The following INTS1 variants were observed in gnomAD, a reference collection of about 807,000 sequenced individuals.
INTS1 encodes the protein integrator complex subunit 1.
A neutral mutation model predicts 241.6 loss-of-function variants in INTS1; 137 were observed. That is an observed-to-expected ratio of 0.57 (90% confidence interval 0.49 to 0.65). The LOEUF is 0.65. Among genes scored for constraint, INTS1 ranks in the 30% least tolerant of loss-of-function variants. The probability of loss-of-function intolerance (pLI) is 0.00; values close to 1 mark genes in which losing one functional copy is unlikely to be tolerated. For synonymous variants in INTS1, 1,692 were observed against 1,337.8 expected (o/e 1.26, Z -5.78); for missense variants, 3,073 against 3,032.2 (o/e 1.01, Z -0.32).
intron 3 of INTS1, among the ~76,000 whole-genome samples, chr7:1,502,402 T>C (rs1325359110): frequency 1.4e-4 from 21 of 152,134 alleles, no homozygotes; most frequent in Admixed American, 1.4e-3. Context: ...TGGTGAAGCT[T>C]ACATTCCCCC....
In INTS1 at chr7:1,499,434, C is replaced by A. The variant is rs888140640; in HGVS notation, c.844+39G>T. 1.3e-5 allele frequency: 11 copies of A among 877,266 alleles called. No homozygotes were observed. The Admixed American group carries it at 2.2e-4, about 18-fold the overall frequency. The allele number at this position is 877,266 out of a possible 1,614,324, so 54.3% of individuals were successfully genotyped here. A position where few individuals can be genotyped will look rare whatever the true frequency, so the allele number is the denominator to read the frequency against. On this transcript the variant is annotated intron_variant, in intron 6 of 47. Transcript: ENST00000404767. The stretch of plus-strand genomic sequence containing the variant: ...CTCCCACCCCTCCCCTGCCCTGGGG[C>A]TTGGACACCCGCCCTCTCTGGCTGG...
In INTS1 at chr7:1,504,371, G is replaced by A. The variant is rs1362742435; in HGVS notation, c.-90C>T. ...GCCGCCGCCGCCACCCGGCCACCCC[G>A]GAATCGGAAACCGATCTCACCGCCC... On this transcript the variant is annotated 5_prime_UTR_variant, in exon 1 of 48. Transcript: ENST00000404767. 1 of 488,948 alleles carries A rather than the reference G, an allele frequency of 2.0e-6. No homozygotes were observed. The highest frequency in any genetic ancestry group is 1.5e-5 in the South Asian group (1 of 65,188). 30.3% of individuals were successfully genotyped at this position (488,948 alleles called of 1,614,324 possible).
rs1456894020 is a variant in INTS1, at chr7:1,494,871, C to A, written c.1855G>T (p.Glu619Ter). ...CACTTGTAGTAGGTCTCCGGCTGCT[C>A]TGTGAACAGCACCTTGTGCAGGCTG... The part of the protein sequence containing the change: ...VHCLHKVLFT[E>*]QPETYYKWDN... The change falls in exon 14 of 48, where the codon GAG becomes TAG. Residue 619 changes from glutamate to a stop codon, truncating the protein, a stop_gained. Transcript: ENST00000404767. LOFTEE classifies it high-confidence loss of function. 3.8e-6 allele frequency: 6 copies of A among 1,565,666 alleles called. No homozygotes were observed. The highest frequency in any genetic ancestry group is 4.3e-6 in the Non-Finnish European group (5 of 1,155,694).
intron 46 of INTS1, 56 bp from the exon 47 acceptor site, chr7:1,471,011 C>T: frequency 6.6e-7 from 1 of 1,520,684 alleles, no homozygotes; most frequent in Non-Finnish European, 8.9e-7. Flanking sequence ...CGCCAGACCC[C>T]CACCCGACAG....
At position 1,473,099 on chromosome 7, in the gene INTS1, C is replaced by G. The variant is rs754444430; in HGVS notation, c.6043G>C (p.Asp2015His). The change falls in exon 43 of 48, where the codon GAC becomes CAC. Residue 2015 changes from aspartate (D) to histidine (H), a missense_variant. Transcript: ENST00000404767. ...TCGCCCTCTTCGTCCAGGCCTCGGT[C>G]GGTCCTGTCGTCCCTGCTGGGCAGG... Reference protein sequence around the residue: ...LSLPSRDDRTDRGLDEEGEEE... With the variant: ...LSLPSRDDRTHRGLDEEGEEE... The G allele has an allele frequency of 1.6e-5, 25 of 1,610,162 alleles. No homozygotes were observed. The highest frequency in any genetic ancestry group is 2.1e-5 in the Non-Finnish European group (25 of 1,178,176).
intron 19 of INTS1, 52 bp from the exon 20 acceptor site, chr7:1,487,501 C>T: frequency 1.3e-6 from 2 of 1,579,656 alleles, no homozygotes; most frequent in East Asian, 2.3e-5. Context: ...CGGATCACCC[C>T]CAGAACCCCT....
chr7:1,494,801 C>T lies in INTS1; in HGVS notation c.1910+15G>A, dbSNP rs1239259085. 40 of 1,554,634 alleles carry T rather than the reference C, an allele frequency of 2.6e-5. No homozygotes were observed. The highest frequency in any genetic ancestry group is 3.2e-5 in the Non-Finnish European group (37 of 1,150,426). ...CAGCCCGGCACACAGGAGCCCCAGG[C>T]GGCAGCGCACTCACTTGCGGTCACT... On this transcript the variant is annotated intron_variant, in intron 14 of 47. Coordinates refer to ENST00000404767, the MANE Select transcript of INTS1 (RefSeq NM_001080453.3).
In INTS1 at chr7:1,489,788, G is replaced by A. The variant is rs551953193; in HGVS notation, c.2166-106C>T. 6.2e-4 allele frequency: 482 copies of A among 779,226 alleles called. No individual in the cohort carries two copies. The African/African-American group carries it at 6.6e-3, about 11-fold the overall frequency. 48.3% of individuals were successfully genotyped at this position (779,226 alleles called of 1,614,324 possible). On this transcript the variant is annotated intron_variant, in intron 16 of 47. Transcript: ENST00000404767. ...GGGGCAGGGACGGTGCTGGCTCCCA[G>A]CTCCTCCCGGGACTGCCCTCCAGTG...
rs182756496 is a variant in INTS1 at position 1,500,905 on chromosome 7, G to A, written c.350-539C>T. On this transcript the variant is annotated intron_variant, in intron 3 of 47. Coordinates refer to ENST00000404767, the MANE Select transcript of INTS1 (RefSeq NM_001080453.3). ...GCCAGCACACACCTTTCCTATCGTC[G>A]TGTTTGCCACTGTTGGATCGGAGGT... 7.1e-4 allele frequency: 108 copies of A among 153,174 alleles called. 1 individual carries two copies. The East Asian group carries it at 0.014, about 20-fold the overall frequency. The allele number at this position is 153,174 out of a possible 1,614,324, so 9.5% of individuals were successfully genotyped here. A position where few individuals can be genotyped will look rare whatever the true frequency, so the allele number is the denominator to read the frequency against.
chr7:1,470,337 C>T lies in INTS1; in HGVS notation c.*240G>A, dbSNP rs1044804842. The T allele has an allele frequency of 1.7e-5, 8 of 476,370 alleles. No individual in the cohort carries two copies. Among genetic ancestry groups the T allele is most frequent in the Non-Finnish European group, 2.9e-5 (8 of 271,526 alleles). The allele number at this position is 476,370 out of a possible 1,614,324, so 29.5% of individuals were successfully genotyped here. A position where few individuals can be genotyped will look rare whatever the true frequency, so the allele number is the denominator to read the frequency against. ...GCCATGCCCGGGGGGATCCGCCGCTCCGCGGCAGGGCTGTGGCCCAGAAGG... is the reference window on the plus strand; with the variant it reads ...GCCATGCCCGGGGGGATCCGCCGCTTCGCGGCAGGGCTGTGGCCCAGAAGG... On this transcript the variant is annotated 3_prime_UTR_variant, in exon 48 of 48. Coordinates refer to ENST00000404767, the MANE Select transcript of INTS1 (RefSeq NM_001080453.3).
Position 1,481,991 on chromosome 7 carries a change from G to C in INTS1, c.3704-503C>G, listed in dbSNP as rs373131639. On this transcript the variant is annotated intron_variant, in intron 27 of 47. Transcript: ENST00000404767. This position sits in a 1 kb window ranked among gnomAD's most constrained non-coding sequence, Gnocchi z 6.8. ...ACTATCTTCTCTCAGTGCTCAGGGC[G>C]CTCTTGCCCCGAAGCCATCGGTGGC... 6.6e-6 allele frequency among the ~76,000 whole-genome samples: 1 copy of C among 152,148 alleles called. No individual in the cohort carries two copies. The highest frequency in any genetic ancestry group is 1.5e-5 in the Non-Finnish European group (1 of 68,002).
At chr7:1,474,042 C>A (rs1227941595) in intron 41 of INTS1, 126 bp downstream of exon 41, 13 of 1,114,614 alleles carry the variant, frequency 1.2e-5, no homozygotes, top group African/African-American at 1.6e-5. Context: ...GTCCCCAGGG[C>A]AGGTGGCCTG....
intron 16 of INTS1, among the ~76,000 whole-genome samples, chr7:1,491,196 C>A (rs923488096): frequency 1.3e-5 from 2 of 152,218 alleles, no homozygotes; most frequent in Non-Finnish European, 2.9e-5. Context: ...TCAAAGCACA[C>A]ACAGCAGCAG....
chr7:1,477,641 C>G lies in INTS1; in HGVS notation c.4847G>C (p.Gly1616Ala). ...CATTTCCAGCCAGTCCACTAGGAGGCCTGACGAGGGCCCCAGCCGCACGGC... is the reference window on the plus strand; with the variant it reads ...CATTTCCAGCCAGTCCACTAGGAGGGCTGACGAGGGCCCCAGCCGCACGGC... ...LEAVRLGPSS[G>A]LLVDWLEMLD... The change falls in exon 35 of 48, where the codon GGC becomes GCC. Residue 1616 changes from glycine to alanine, a missense_variant. Physicochemically the swap from Gly to Ala is moderately conservative, Grantham distance 60. Coordinates refer to ENST00000404767, the MANE Select transcript of INTS1 (RefSeq NM_001080453.3). The G allele has an allele frequency of 6.3e-7, 1 of 1,591,196 alleles. No homozygotes were observed. The highest frequency in any genetic ancestry group is 8.5e-7 in the Non-Finnish European group (1 of 1,169,860).
In INTS1 at chr7:1,480,852, G is replaced by A. The variant is rs1276977991; in HGVS notation, c.3932C>T (p.Ser1311Phe). 6.4e-7 allele frequency: 1 copy of A among 1,553,394 alleles called. No individual in the cohort carries two copies. Among genetic ancestry groups the A allele is most frequent in the Non-Finnish European group, 8.7e-7 (1 of 1,149,362 alleles). Residue 1311 changes from serine (S) to phenylalanine (F), a missense_variant, in exon 29 of 48, where the codon TCC becomes TTC. Coordinates refer to ENST00000404767, the MANE Select transcript of INTS1 (RefSeq NM_001080453.3). ...CCCAGTACCTCGGCGGGGCGGCAGGGAGGCTGTGAGCAAGGAGTGGAAAGT... is the reference window on the plus strand; with the variant it reads ...CCCAGTACCTCGGCGGGGCGGCAGGAAGGCTGTGAGCAAGGAGTGGAAAGT... ...GQTFHSLLTA[S>F]LPPRRDSTEA...
At chr7:1,485,003 C>T (rs1583121926) in intron 24 of INTS1, 95 bp downstream of exon 24, 1 of 502,140 alleles carries the variant, frequency 2.0e-6, no homozygotes, top group Non-Finnish European at 3.6e-6. Context: ...CAGGGCCACA[C>T]TGCCGGCTGG....
At chr7:1,477,709 C>G (rs1212811326) in intron 34 of INTS1, 36 bp from the exon 35 acceptor site, 1 of 1,604,364 alleles carries the variant, frequency 6.2e-7, no homozygotes, top group African/African-American at 1.3e-5. Flanking sequence ...AGGGCTGGTG[C>G]CACCCGCCTG....
intron 40 of INTS1, 65 bp downstream of exon 40, chr7:1,474,640 T>C (rs1249705815): frequency 2.0e-6 from 3 of 1,500,880 alleles, no homozygotes; most frequent in Admixed American, 4.3e-5. Flanking sequence ...TTGCCCAGGC[T>C]GGAGAGCCGC....
At chr7:1,496,731 G>A (rs1782880533) in intron 11 of INTS1, among the ~76,000 whole-genome samples, 1 of 152,156 alleles carries the variant, frequency 6.6e-6, no homozygotes, top group Admixed American at 6.5e-5. Flanking sequence ...GGCTGGCTGC[G>A]AGTTGGCTGC....
Sources: allele counts gnomAD v4.1 joint callset (sites outside exome capture counted in the v4.1 genomes callset), GRCh38; gene constraint gnomAD v4.1.1; non-coding constraint Gnocchi (gnomAD v3.1); transcripts MANE v1.5; gene names NCBI Gene and HGNC (gene_info 2026-07-23, HGNC 2026-07-21).